The following PARD3B variants were observed in gnomAD, a reference collection of about 807,000 sequenced individuals.
The protein encoded by PARD3B is par-3 family cell polarity regulator beta, also known as partitioning defective 3 homolog B.
A neutral mutation model predicts 130.2 loss-of-function variants in PARD3B; 103 were observed. The observed-to-expected ratio is 0.79, with a 90% CI of 0.67 to 0.93. The LOEUF (loss-of-function observed/expected upper bound fraction) is 0.93, where lower values mean the gene tolerates loss of function less well. Ranked by LOEUF, PARD3B falls within the 40% of genes least tolerant of loss-of-function variation. The pLI, the probability that PARD3B is intolerant of heterozygous loss-of-function variation, is 0.00. For synonymous variants in PARD3B, 583 were observed against 553.2 expected (o/e 1.05, Z -0.76); for missense variants, 1,609 against 1,499.2 (o/e 1.07, Z -1.21).
chr2:205,227,272 G>T (rs1015583710), intron 15 of PARD3B, among the ~76,000 whole-genome samples: 2 of 152,144 alleles, frequency 1.3e-5, no homozygotes, highest in Non-Finnish European at 2.9e-5. Flanking sequence ...TGCTGAAAGT[G>T]AAGTGTTGAA....
intron 2 of PARD3B, among the ~76,000 whole-genome samples, chr2:204,856,422 A>G (rs968595405): frequency 6.6e-6 from 1 of 152,030 alleles, no homozygotes; most frequent in African/African-American, 2.4e-5. Context: ...GGAGTTCCCT[A>G]TATATTTTGA....
intron 1 of PARD3B, among the ~76,000 whole-genome samples, chr2:204,571,412 G>A (rs781183771): frequency 2.0e-5 from 3 of 152,120 alleles, no homozygotes; most frequent in Non-Finnish European, 4.4e-5. Flanking sequence ...TTTACATGCT[G>A]CCAAGGAGTG....
intron 18 of PARD3B, among the ~76,000 whole-genome samples, chr2:205,383,809 A>G (rs1265507082): frequency 6.6e-6 from 1 of 152,092 alleles, no homozygotes; most frequent in Non-Finnish European, 1.5e-5. Context: ...GACAATATGT[A>G]GCCTTTTGGA....
At chr2:205,200,070 G>A (rs2036906626) in intron 15 of PARD3B, among the ~76,000 whole-genome samples, 1 of 151,954 alleles carries the variant, frequency 6.6e-6, no homozygotes, top group African/African-American at 2.4e-5. Context: ...AAACTGCTAA[G>A]TCAGGAAAAT....
In PARD3B at chr2:204,631,882, A is replaced by T. The variant is rs141186760; in HGVS notation, c.121-54299A>T. ...ATGAAGTTTAGTTTGGCTGGATATG[A>T]AATTATGGGTTGCAATTTTTTTAAG... is the stretch of plus-strand genomic sequence containing the variant. On this transcript the variant is annotated intron_variant, in intron 1 of 22. Coordinates refer to ENST00000406610, the MANE Select transcript of PARD3B (RefSeq NM_001302769.2). Among the ~76,000 whole-genome samples, 329 of 152,286 alleles carry T rather than the reference A, an allele frequency of 2.2e-3. 1 individual carries two copies. The highest frequency in any genetic ancestry group is 0.017 in the Middle Eastern group (5 of 294).
At chr2:204,902,554 A>G (rs927315329) in intron 2 of PARD3B, among the ~76,000 whole-genome samples, 2 of 151,414 alleles carry the variant, frequency 1.3e-5, no homozygotes, top group Non-Finnish European at 1.5e-5. Flanking sequence ...CTGCAGTCCC[A>G]GCTGCTCGGG....
Position 205,142,993 on chromosome 2 carries a change from G to A in PARD3B, c.1435-15729G>A, listed in dbSNP as rs1213762319. On this transcript the variant is annotated intron_variant, in intron 10 of 22. Transcript: ENST00000406610. This position sits in a 1 kb window ranked among gnomAD's most constrained non-coding sequence, Gnocchi z 4.3. ...AACATAAGTGAAATGGGAGCTGCGA[G>A]AAGGGCATATTGTTCCTGTGCTGAT... Among the ~76,000 whole-genome samples the A allele has an allele frequency of 6.6e-6, 1 of 152,206 alleles. No homozygotes were observed. The highest frequency in any genetic ancestry group is 2.4e-5 in the African/African-American group (1 of 41,458).
intron 20 of PARD3B, chr2:205,482,603 C>T (rs1255333019): frequency 6.6e-6 from 1 of 152,476 alleles, no homozygotes; most frequent in African/African-American, 2.4e-5. Flanking sequence ...TTTGGGGCCT[C>T]CCCAGGCGGG....
Position 205,058,044 on chromosome 2 carries a change from A to G in PARD3B, c.504+10354A>G, listed in dbSNP as rs191042046. ...CTTCACCTTCCAACACTGAAACTCT[A>G]TACTCTTAAACAGTAACTCCTTATT... On this transcript the variant is annotated intron_variant, in intron 4 of 22. Transcript: ENST00000406610. 1.0e-3 allele frequency among the ~76,000 whole-genome samples: 155 copies of G among 151,840 alleles called. 1 individual carries two copies. In the Middle Eastern group the frequency reaches 0.02, roughly 20 times the overall value.
intron 18 of PARD3B, among the ~76,000 whole-genome samples, chr2:205,367,170 G>A (rs1178935283): frequency 2.0e-5 from 3 of 152,172 alleles, no homozygotes; most frequent in Non-Finnish European, 4.4e-5. Flanking sequence ...AATGCAGTGA[G>A]GACGATTAAA....
chr2:205,543,661 G>A (rs977394481), intron 21 of PARD3B, among the ~76,000 whole-genome samples: 2 of 152,164 alleles, frequency 1.3e-5, no homozygotes, highest in African/African-American at 4.8e-5. Context: ...CAAGTCTCTT[G>A]ATGATCTCTG....
intron 20 of PARD3B, among the ~76,000 whole-genome samples, chr2:205,466,734 C>A (rs777504160): frequency 6.6e-6 from 1 of 152,132 alleles, no homozygotes; most frequent in African/African-American, 2.4e-5. Flanking sequence ...GTTTTTGAGA[C>A]GAAGTCTCGC....
At chr2:205,359,830 A>G (rs1011743205) in intron 18 of PARD3B, among the ~76,000 whole-genome samples, 1 of 152,152 alleles carries the variant, frequency 6.6e-6, no homozygotes, top group Non-Finnish European at 1.5e-5. Context: ...AAACATCCTC[A>G]TACGTGCCCT....
chr2:205,399,516 G>A (rs567225722), intron 18 of PARD3B, among the ~76,000 whole-genome samples: 75 of 151,634 alleles, frequency 4.9e-4, no homozygotes, highest in African/African-American at 1.2e-3. Flanking sequence ...CACGACGCCC[G>A]GCTAATTTTT....
rs1452782451 is a variant in PARD3B at position 205,366,001 on chromosome 2, C to T, written c.2631-35012C>T. ...ATACCCTGTTGAAGATAATCAGTGA[C>T]AAAATCAGCCAAAGCAAAAGATTAT... On this transcript the variant is annotated intron_variant, in intron 18 of 22. Transcript: ENST00000406610. This position sits in a 1 kb window ranked among gnomAD's most constrained non-coding sequence, Gnocchi z 5.0. Among the ~76,000 whole-genome samples the T allele has an allele frequency of 6.6e-6, 1 of 152,078 alleles. No individual in the cohort carries two copies. The highest frequency in any genetic ancestry group is 2.4e-5 in the African/African-American group (1 of 41,390).
In PARD3B at chr2:204,799,033, C is replaced by T. The variant is rs1315594232; in HGVS notation, c.222+112751C>T. ...GAGTAAAGGGGACTTTTCCTTTACTCACCAGCTCAGCCACAGCGAAGTGGA... is the reference window on the plus strand; with the variant it reads ...GAGTAAAGGGGACTTTTCCTTTACTTACCAGCTCAGCCACAGCGAAGTGGA... On this transcript the variant is annotated intron_variant, in intron 2 of 22. Coordinates refer to ENST00000406610, the MANE Select transcript of PARD3B (RefSeq NM_001302769.2). The surrounding 1 kb of genome is among the most constrained non-coding windows in gnomAD (Gnocchi z 4.1). 6.6e-6 allele frequency among the ~76,000 whole-genome samples: 1 copy of T among 151,802 alleles called. No individual in the cohort carries two copies. Among genetic ancestry groups the T allele is most frequent in the Non-Finnish European group, 1.5e-5 (1 of 67,950 alleles).
At chr2:205,147,040 A>G (rs1432521921) in intron 10 of PARD3B, among the ~76,000 whole-genome samples, 1 of 152,192 alleles carries the variant, frequency 6.6e-6, no homozygotes, top group Non-Finnish European at 1.5e-5. Flanking sequence ...TAATCACTAA[A>G]TTATTGCATG....
intron 18 of PARD3B, among the ~76,000 whole-genome samples, chr2:205,363,231 G>T (rs1281326486): frequency 6.6e-6 from 1 of 152,128 alleles, no homozygotes; most frequent in Non-Finnish European, 1.5e-5. Flanking sequence ...TCAAACAGAA[G>T]TCAGAGTATC....
At chr2:204,977,159 T>C (rs1252170060) in intron 3 of PARD3B, among the ~76,000 whole-genome samples, 1 of 152,186 alleles carries the variant, frequency 6.6e-6, no homozygotes, top group Non-Finnish European at 1.5e-5. Context: ...CACAAAGGTT[T>C]CAAATAATGC....
Sources: gnomAD v4.1 joint callset for allele counts (sites outside exome capture counted in the v4.1 genomes callset) on GRCh38, gnomAD v4.1.1 for gene constraint, Gnocchi (gnomAD v3.1) non-coding constraint, MANE v1.5 for transcripts, NCBI Gene and HGNC (gene_info 2026-07-23, HGNC 2026-07-21) for gene names.